The following TMEM132D variants were observed in gnomAD, a reference collection of about 807,000 sequenced individuals.
TMEM132D encodes the protein mature OL transmembrane protein.
TMEM132D carries 21 observed loss-of-function variants against 62.3 expected under a neutral mutation model. The ratio of observed to expected loss-of-function variants is 0.34; its 90% CI spans 0.24 to 0.49. The LOEUF is 0.49. TMEM132D is among the 20% of genes least tolerant of loss of function. The pLI is 0.99. For synonymous variants in TMEM132D, 621 were observed against 575.6 expected, an observed-to-expected ratio of 1.08 and a Z score of -1.13; for missense variants, 1,346 against 1,402.8, an observed-to-expected ratio of 0.96 and a Z score of 0.65.
chr12:129,458,033 C>T (rs1873535774), intron 3 of TMEM132D, among the ~76,000 whole-genome samples: 2 of 152,184 alleles, frequency 1.3e-5, no homozygotes, highest in Admixed American at 1.3e-4. Context: ...GCACTTCCTC[C>T]AGGCCTCCAG....
rs185016824 is a variant in TMEM132D, at chr12:129,341,990, G to C, written c.1116-4173C>G. 4.5e-4 allele frequency among the ~76,000 whole-genome samples: 69 copies of C among 152,224 alleles called. 1 individual carries two copies. The highest frequency in any genetic ancestry group is 1.4e-3 in the African/African-American group (57 of 41,534). ...AGGAAGAATCAATATCGTGAAAATG[G>C]CCATACTGCCCAAGGTCATTTACAG... On this transcript the variant is annotated intron_variant, in intron 3 of 8. Coordinates refer to ENST00000422113, the MANE Select transcript of TMEM132D (RefSeq NM_133448.3).
intron 4 of TMEM132D, chr12:129,210,332 T>A (rs1385239571): frequency 2.0e-5 from 3 of 152,308 alleles, no homozygotes; most frequent in Non-Finnish European, 4.4e-5. Context: ...TCTGGCTTGC[T>A]TTCACTCTGT....
At chr12:129,865,212 G>A (rs1004263212) in intron 1 of TMEM132D, among the ~76,000 whole-genome samples, 2 of 152,228 alleles carry the variant, frequency 1.3e-5, no homozygotes, top group Non-Finnish European at 2.9e-5. Flanking sequence ...GTGCTGAGGG[G>A]TAGCTCTGCA....
At chr12:129,152,330 T>C (rs1316185619) in intron 5 of TMEM132D, among the ~76,000 whole-genome samples, 3 of 152,196 alleles carry the variant, frequency 2.0e-5, no homozygotes, top group Non-Finnish European at 2.9e-5. Flanking sequence ...TCTCCCAGCC[T>C]GGGTTTTAAC....
chr12:129,300,234 A>G lies in TMEM132D; in HGVS notation c.1299+37400T>C, dbSNP rs1472269811. Among the ~76,000 whole-genome samples, 4 of 152,216 alleles carry G rather than the reference A, an allele frequency of 2.6e-5. No individual in the cohort carries two copies. The East Asian group carries it at 7.7e-4, about 29-fold the overall frequency. ...GAATCCAATACTCTCAAGGCCGACC[A>G]ACACTCAGAGAAGTGATTAACCTGC... On this transcript the variant is annotated intron_variant, in intron 4 of 8. Transcript: ENST00000422113.
intron 1 of TMEM132D, among the ~76,000 whole-genome samples, chr12:129,738,540 G>A (rs1156640618): frequency 1.3e-5 from 2 of 152,222 alleles, no homozygotes; most frequent in Non-Finnish European, 2.9e-5. Context: ...CCAACACGCT[G>A]TAGCAAGACA....
intron 2 of TMEM132D, among the ~76,000 whole-genome samples, chr12:129,606,196 T>C (rs1878620822): frequency 6.6e-6 from 1 of 152,210 alleles, no homozygotes; most frequent in Non-Finnish European, 1.5e-5. Flanking sequence ...GAACCCTAGC[T>C]GTGATAGTCT....
intron 1 of TMEM132D, among the ~76,000 whole-genome samples, chr12:129,796,588 A>G (rs898198386): frequency 6.6e-6 from 1 of 152,166 alleles, no homozygotes; most frequent in Admixed American, 6.5e-5. Flanking sequence ...AGGGACATGG[A>G]TGAAGTTGGA....
chr12:129,142,143 ATTCCC>A (rs1228204181), intron 5 of TMEM132D, among the ~76,000 whole-genome samples: 4 of 152,120 alleles, frequency 2.6e-5, no homozygotes, highest in Admixed American at 6.5e-5. Flanking sequence ...TGAATCACAT[ATTCCC>A]TTCCATGTGA....
chr12:129,492,086 A>G (rs1874812530), intron 3 of TMEM132D, among the ~76,000 whole-genome samples: 1 of 152,244 alleles, frequency 6.6e-6, no homozygotes. Flanking sequence ...TTACCTAAGA[A>G]TTTGTAAGGT....
chr12:129,430,812 T>C (rs1847158559), intron 3 of TMEM132D, among the ~76,000 whole-genome samples: 1 of 152,130 alleles, frequency 6.6e-6, no homozygotes, highest in African/African-American at 2.4e-5. Flanking sequence ...GGATGGAGGC[T>C]TACAGAAAGA....
intron 8 of TMEM132D, among the ~76,000 whole-genome samples, chr12:129,077,923 AACACACAT>A (rs1243285524): frequency 6.6e-6 from 1 of 152,140 alleles, no homozygotes; most frequent in Non-Finnish European, 1.5e-5. Context: ...ATAGACACAC[AACACACAT>A]ATACATATGC....
chr12:129,130,994 T>C (rs1180902594), intron 5 of TMEM132D, among the ~76,000 whole-genome samples: 1 of 152,126 alleles, frequency 6.6e-6, no homozygotes, highest in East Asian at 1.9e-4. Context: ...GACCGAGGCA[T>C]CAGCACTGTA....
chr12:129,745,516 A>G (rs1869748801), intron 1 of TMEM132D, among the ~76,000 whole-genome samples: 2 of 152,100 alleles, frequency 1.3e-5, no homozygotes, highest in Admixed American at 1.3e-4. Context: ...CTAACCTGTG[A>G]GTGCACGGAT....
intron 5 of TMEM132D, among the ~76,000 whole-genome samples, chr12:129,190,097 TTGCAGATGGAGGGAGGGGTCTTGGGGGCC>T (rs1565992270): frequency 2.4e-4 from 5 of 20,752 alleles, no homozygotes; most frequent in Admixed American, 8.8e-4. Flanking sequence ...AGTCTCAGGC[TTGCAGATGGAGGGAGGGGTCTTGGGGGCC>T]TGCAGATGGA....
At chr12:129,166,085 G>A (rs1258137600) in intron 5 of TMEM132D, among the ~76,000 whole-genome samples, 1 of 152,246 alleles carries the variant, frequency 6.6e-6, no homozygotes, top group Admixed American at 6.5e-5. Context: ...CCCAGTTACA[G>A]AGCAAACCAT....
At chr12:129,234,649 T>C (rs541343090) in intron 4 of TMEM132D, among the ~76,000 whole-genome samples, 3 of 152,212 alleles carry the variant, frequency 2.0e-5, no homozygotes, top group Non-Finnish European at 4.4e-5. Context: ...CCCTGTTTTG[T>C]CTAAATCTCG....
At chr12:129,246,833 A>G in intron 4 of TMEM132D, among the ~76,000 whole-genome samples, 1 of 152,176 alleles carries the variant, frequency 6.6e-6, no homozygotes, top group East Asian at 1.9e-4. Flanking sequence ...GATATGTAAG[A>G]CAGACATATC....
intron 2 of TMEM132D, among the ~76,000 whole-genome samples, chr12:129,580,806 T>TAG (rs1217681911): frequency 6.6e-6 from 1 of 152,208 alleles, no homozygotes; most frequent in Non-Finnish European, 1.5e-5. Flanking sequence ...TAGATTGACA[T>TAG]AGTTCATCAC....
Sources: gnomAD v4.1 joint callset for allele counts (sites outside exome capture counted in the v4.1 genomes callset) on GRCh38, gnomAD v4.1.1 for gene constraint, MANE v1.5 for transcripts, NCBI Gene and HGNC (gene_info 2026-07-23, HGNC 2026-07-21) for gene names.